Variants in ELAVL3 observed in about 807,000 individuals in gnomAD.
ELAVL3 encodes ELAV like RNA binding protein 3.
In ELAVL3, 8 loss-of-function variants were observed where a neutral mutation model predicts 34.2. That is an observed-to-expected ratio of 0.23 (90% CI 0.14 to 0.42). The LOEUF (loss-of-function observed/expected upper bound fraction) is 0.42, where lower values mean the gene tolerates loss of function less well. Ranked by LOEUF, ELAVL3 falls within the 10% of genes least tolerant of loss-of-function variation. The pLI, the probability that ELAVL3 is intolerant of heterozygous loss-of-function variation, is 1.00. For synonymous variants in ELAVL3, 209 were observed against 222.1 expected (o/e 0.94, Z 0.53); for missense variants, 273 against 518.8 (o/e 0.53, Z 4.60).
chr19:11,478,597 T>A (rs1295165491), intron 1 of ELAVL3, among the ~76,000 whole-genome samples: 1 of 152,082 alleles, frequency 6.6e-6, no homozygotes, highest in Non-Finnish European at 1.5e-5. Flanking sequence ...CTTCTAAGTC[T>A]CCCCCGACTT....
chr19:11,459,274 C>A (rs981278975), intron 3 of ELAVL3, among the ~76,000 whole-genome samples: 3 of 151,992 alleles, frequency 2.0e-5, no homozygotes, highest in Non-Finnish European at 4.4e-5. Context: ...AGGCGCCCAC[C>A]ACCACGCCTA....
At chr19:11,477,595 G>C (rs1290307276) in intron 1 of ELAVL3, among the ~76,000 whole-genome samples, 9 of 151,880 alleles carry the variant, frequency 5.9e-5, no homozygotes, top group Non-Finnish European at 1.2e-4. Flanking sequence ...GCTCATTGAG[G>C]TAAGAGTTCT....
intron 3 of ELAVL3, among the ~76,000 whole-genome samples, chr19:11,463,793 A>C (rs1192951801): frequency 6.6e-6 from 1 of 152,002 alleles, no homozygotes; most frequent in Non-Finnish European, 1.5e-5. Flanking sequence ...AACATGGAGA[A>C]ACCCTGTCTT....
rs1446032192 is a variant in ELAVL3 at position 11,458,635 on chromosome 19, A to G, written c.334-24T>C. The G allele has an allele frequency of 9.9e-6, 16 of 1,612,164 alleles. No individual in the cohort carries two copies. The highest frequency in any genetic ancestry group is 1.2e-5 in the Non-Finnish European group (14 of 1,179,692). On this transcript the variant is annotated intron_variant, in intron 3 of 6. Transcript: ENST00000359227. The surrounding 1 kb of genome is among the most constrained non-coding windows in gnomAD (Gnocchi z 7.3). ...ACCTGGGTGAGGGGGTCAGATGGAC[A>G]GGGGTGAGGCAGAGACCCATTTCAC...
intron 3 of ELAVL3, among the ~76,000 whole-genome samples, chr19:11,464,131 C>CTGTCTT (rs1358994514): frequency 9.9e-6 from 1 of 101,162 alleles, no homozygotes; most frequent in African/African-American, 5.3e-5. Flanking sequence ...CTGTCTCTCT[C>CTGTCTT]TCTCTCTCTC....
rs1286522990 is a variant in ELAVL3, at chr19:11,451,858, G to C, written c.*2668C>G. The C allele has an allele frequency of 2.6e-5, 4 of 152,092 alleles. No homozygotes were observed. The highest frequency in any genetic ancestry group is 9.7e-5 in the African/African-American group (4 of 41,422). The allele number at this position is 152,092 out of a possible 1,614,324, so 9.4% of individuals were successfully genotyped here. A position where few individuals can be genotyped will look rare whatever the true frequency, so the allele number is the denominator to read the frequency against. ...TCTGGAGCCTGGCCCCCCCCAGGGT[G>C]GGGGACAAACCCAGCCCTTATTGCT... On this transcript the variant is annotated 3_prime_UTR_variant, in exon 7 of 7. Coordinates refer to ENST00000359227, the MANE Select transcript of ELAVL3 (RefSeq NM_001420.4).
At chr19:11,456,987 C>T in intron 6 of ELAVL3, 123 bp downstream of exon 6, 1 of 855,602 alleles carries the variant, frequency 1.2e-6, no homozygotes, top group Non-Finnish European at 1.7e-6. Context: ...CTCTCAATGG[C>T]CATGCTACTC....
At chr19:11,467,033 T>G (rs1971068057) in intron 1 of ELAVL3, among the ~76,000 whole-genome samples, 1 of 152,154 alleles carries the variant, frequency 6.6e-6, no homozygotes, top group African/African-American at 2.4e-5. Flanking sequence ...ACCTGATGTT[T>G]TTACTGCAAG....
Position 11,457,120 on chromosome 19 carries a change from C to T in ELAVL3, c.742G>A (p.Gly248Ser), listed in dbSNP as rs550356387. Reference protein sequence around the residue: ...RLDNLLNMAYGVKSPLSLIAR... With the variant: ...RLDNLLNMAYSVKSPLSLIAR... Reference sequence around the variant, plus strand: ...CGGGGTCACTGTTACCTCTTGACGCCGTAGGCCATGTTGAGCAAATTGTCC... The same window carrying T: ...CGGGGTCACTGTTACCTCTTGACGCTGTAGGCCATGTTGAGCAAATTGTCC... The change falls in exon 6 of 7, where the codon GGC becomes AGC. Residue 248 changes from glycine (G) to serine (S), a missense_variant. By Grantham distance (56) the Gly-to-Ser change is moderately conservative. Coordinates refer to ENST00000359227, the MANE Select transcript of ELAVL3 (RefSeq NM_001420.4). The T allele has an allele frequency of 1.1e-5, 17 of 1,541,142 alleles. No homozygotes were observed. The highest frequency in any genetic ancestry group is 5.1e-5 in the East Asian group (2 of 38,884).
At chr19:11,468,577 C>G (rs113110104) in intron 1 of ELAVL3, among the ~76,000 whole-genome samples, 1,778 of 151,702 alleles carry the variant, frequency 0.012, 34 homozygotes, top group African/African-American at 0.04. Context: ...ACCACGCCCG[C>G]CAAATTTTTT....
Position 11,463,825 on chromosome 19 carries a change from C to G in ELAVL3, c.333+2347G>C, listed in dbSNP as rs571852643. Among the ~76,000 whole-genome samples the G allele has an allele frequency of 3.3e-5, 5 of 151,928 alleles. No homozygotes were observed. In the South Asian group the frequency reaches 1.0e-3, roughly 32 times the overall value. On this transcript the variant is annotated intron_variant, in intron 3 of 6. Transcript: ENST00000359227. ...TCTTTACTAAAAATACAAAATTAGC[C>G]AGGTGTGGTGGCGGGTGCCTGTAAT...
intron 6 of ELAVL3, among the ~76,000 whole-genome samples, chr19:11,455,157 C>T (rs1970742013): frequency 6.6e-6 from 1 of 151,934 alleles, no homozygotes; most frequent in Non-Finnish European, 1.5e-5. Flanking sequence ...CGCCCTCACA[C>T]CCAGCTAATT....
chr19:11,473,182 G>A (rs1302242268), intron 1 of ELAVL3, among the ~76,000 whole-genome samples: 2 of 152,124 alleles, frequency 1.3e-5, no homozygotes, highest in Middle Eastern at 3.4e-3. Context: ...TGGCTAACAC[G>A]GCGAAACTCC....
At chr19:11,478,810 G>A (rs1000862865) in intron 1 of ELAVL3, among the ~76,000 whole-genome samples, 1 of 151,968 alleles carries the variant, frequency 6.6e-6, no homozygotes, top group African/African-American at 2.4e-5. Context: ...GACCCCCACG[G>A]CCCCCAGCTG....
chr19:11,456,845 T>C (rs1356969130), intron 6 of ELAVL3, among the ~76,000 whole-genome samples: 5 of 151,932 alleles, frequency 3.3e-5, no homozygotes, highest in Non-Finnish European at 7.4e-5. Context: ...TAAAAAAAAA[T>C]TGTAGAGAAG....
In ELAVL3 at chr19:11,472,768, A is replaced by C. The variant is rs868731093; in HGVS notation, c.10-5941T>G. ...GAGAACGAGAAGGAGAAGGAAAAGGAGAAGGAGAAGAAGAAGCCAGGCGTG... is the reference window on the plus strand; with the variant it reads ...GAGAACGAGAAGGAGAAGGAAAAGGCGAAGGAGAAGAAGAAGCCAGGCGTG... On this transcript the variant is annotated intron_variant, in intron 1 of 6. Transcript: ENST00000359227. Among the ~76,000 whole-genome samples, 5 of 152,046 alleles carry C rather than the reference A, an allele frequency of 3.3e-5. 1 individual carries two copies. The highest frequency in any genetic ancestry group is 4.2e-4 in the South Asian group (2 of 4,810).
chr19:11,462,975 A>G (rs562728883), intron 3 of ELAVL3, among the ~76,000 whole-genome samples: 4 of 151,670 alleles, frequency 2.6e-5, no homozygotes, highest in Admixed American at 6.6e-5. Flanking sequence ...AAAAAAAAAA[A>G]AAAAGAAAGA....
At chr19:11,477,709 TTGA>T (rs1971288651) in intron 1 of ELAVL3, among the ~76,000 whole-genome samples, 1 of 151,202 alleles carries the variant, frequency 6.6e-6, no homozygotes, top group Non-Finnish European at 1.5e-5. Flanking sequence ...TTTTTTTTTT[TTGA>T]GATGGAGTCT....
At chr19:11,470,617 C>T (rs550053267) in intron 1 of ELAVL3, among the ~76,000 whole-genome samples, 5 of 151,414 alleles carry the variant, frequency 3.3e-5, no homozygotes, top group East Asian at 3.9e-4. Context: ...GCGGGGGTTG[C>T]GGTAGCTGAG....
Sources: allele counts gnomAD v4.1 joint callset (sites outside exome capture counted in the v4.1 genomes callset), GRCh38; gene constraint gnomAD v4.1.1; non-coding constraint Gnocchi (gnomAD v3.1); transcripts MANE v1.5; gene names NCBI Gene and HGNC (gene_info 2026-07-23, HGNC 2026-07-21).